Variants in SLC30A5 observed in about 807,000 individuals in gnomAD.
SLC30A5 encodes proton-coupled zinc antiporter SLC30A5.
In SLC30A5, 33 loss-of-function variants were observed where a neutral mutation model predicts 79.6. The ratio of observed to expected loss-of-function variants is 0.41; its 90% CI spans 0.31 to 0.55. The LOEUF (loss-of-function observed/expected upper bound fraction) is 0.55. Ranked by LOEUF, SLC30A5 falls within the 20% of genes least tolerant of loss-of-function variation. The pLI is 0.20. For missense variants in SLC30A5, 788 were observed against 928.1 expected (o/e 0.85, Z 1.96); for synonymous variants, 299 against 319.7 (o/e 0.94, Z 0.69).
intron 1 of SLC30A5, 66 bp downstream of exon 1, chr5:69,094,404 C>T: frequency 8.1e-7 from 1 of 1,238,484 alleles, no homozygotes; most frequent in Non-Finnish European, 1.0e-6. Flanking sequence ...TCCGGCCTCC[C>T]TCCGGTCTCC....
Position 69,106,267 on chromosome 5 carries a change from T to C in SLC30A5, c.359+1551T>C, listed in dbSNP as rs116368379. On this transcript the variant is annotated intron_variant, in intron 4 of 15. Transcript: ENST00000396591. ...GAGGGCTGAGAAAGCTAGCTGAATT[T>C]CCTAGCTTGGGAAGAGGTTTTTCAC... is the stretch of plus-strand genomic sequence containing the variant. Among the ~76,000 whole-genome samples, 854 of 152,326 alleles carry C rather than the reference T, an allele frequency of 5.6e-3. 12 individuals carry two copies. The highest frequency in any genetic ancestry group is 0.019 in the African/African-American group (800 of 41,566).
Position 69,116,256 on chromosome 5 carries a change from T to G in SLC30A5, c.1072+42T>G, listed in dbSNP as rs1580179013. ...TTTTTTTATTTTAACAAATTTCTAT[T>G]TATGGATTTTGATGGTCACATCATT... On this transcript the variant is annotated intron_variant, in intron 9 of 15. Coordinates refer to ENST00000396591, the MANE Select transcript of SLC30A5 (RefSeq NM_022902.5). The surrounding 1 kb of genome is among the most constrained non-coding windows in gnomAD (Gnocchi z 4.0). 6.5e-7 allele frequency: 1 copy of G among 1,533,002 alleles called. No homozygotes were observed. Among genetic ancestry groups the G allele is most frequent in the Non-Finnish European group, 8.8e-7 (1 of 1,142,006 alleles). 95.0% of individuals were successfully genotyped at this position (1,533,002 alleles called of 1,614,324 possible). A position where few individuals can be genotyped will look rare whatever the true frequency, so the allele number is the denominator to read the frequency against.
chr5:69,109,467 C>G (rs1580173464), intron 5 of SLC30A5, among the ~76,000 whole-genome samples: 2 of 151,908 alleles, frequency 1.3e-5, no homozygotes, highest in East Asian at 3.9e-4. Flanking sequence ...GCATGTAGGT[C>G]TATGAAATTT....
intron 5 of SLC30A5, among the ~76,000 whole-genome samples, chr5:69,110,307 C>T (rs1746198465): frequency 6.6e-6 from 1 of 152,080 alleles, no homozygotes; most frequent in South Asian, 2.1e-4. Flanking sequence ...GTGCATTTTC[C>T]TAGACATAAA....
intron 12 of SLC30A5, among the ~76,000 whole-genome samples, chr5:69,120,499 T>C (rs1317275539): frequency 6.6e-6 from 1 of 152,224 alleles, no homozygotes; most frequent in Non-Finnish European, 1.5e-5. Flanking sequence ...TAAGCGTGAC[T>C]AACCCTTGGT....
intron 2 of SLC30A5, among the ~76,000 whole-genome samples, chr5:69,102,003 T>C (rs891189174): frequency 6.7e-6 from 1 of 149,250 alleles, no homozygotes; most frequent in African/African-American, 2.5e-5. Flanking sequence ...TTTTGGTAAG[T>C]TGGGAAAGAG....
rs1303177584 is a variant in SLC30A5 at position 69,112,640 on chromosome 5, A to G, written c.448-500A>G. Among the ~76,000 whole-genome samples the G allele has an allele frequency of 2.0e-5, 3 of 152,138 alleles. No homozygotes were observed. The South Asian group carries it at 6.2e-4, about 32-fold the overall frequency. ...AAAAAAAATTTTCCCTGGAATGAGA[A>G]CATAAATTTTATCAGCTTTTTAAGT... On this transcript the variant is annotated intron_variant, in intron 5 of 15. Coordinates refer to ENST00000396591, the MANE Select transcript of SLC30A5 (RefSeq NM_022902.5).
At chr5:69,124,189 T>A (rs1746613278) in intron 14 of SLC30A5, among the ~76,000 whole-genome samples, 1 of 143,440 alleles carries the variant, frequency 7.0e-6, no homozygotes, top group African/African-American at 2.6e-5. Context: ...AAAAAAATAA[T>A]AAGTTCCCAT....
chr5:69,106,860 T>C (rs1746094236), intron 4 of SLC30A5, among the ~76,000 whole-genome samples: 1 of 151,966 alleles, frequency 6.6e-6, no homozygotes, highest in South Asian at 2.1e-4. Flanking sequence ...CTGTTTTTAA[T>C]TTTTTTTCAA....
At chr5:69,098,606 T>A (rs1745814344) in intron 1 of SLC30A5, among the ~76,000 whole-genome samples, 3 of 152,222 alleles carry the variant, frequency 2.0e-5, no homozygotes, top group African/African-American at 7.2e-5. Context: ...CAAGTTCAAT[T>A]CATTTAATAA....
At chr5:69,111,240 C>A (rs1746222803) in intron 5 of SLC30A5, among the ~76,000 whole-genome samples, 1 of 151,952 alleles carries the variant, frequency 6.6e-6, no homozygotes, top group Non-Finnish European at 1.5e-5. Context: ...GATCTGTCCG[C>A]CTTGGCCTCC....
At chr5:69,128,417 A>G (rs1006800986) in intron 15 of SLC30A5, among the ~76,000 whole-genome samples, 4 of 151,456 alleles carry the variant, frequency 2.6e-5, no homozygotes, top group Non-Finnish European at 5.9e-5. Flanking sequence ...ATGCCCGCCT[A>G]TTTTTGTTTG....
Position 69,116,537 on chromosome 5 carries a change from T to G in SLC30A5, c.1216T>G (p.Ser406Ala), listed in dbSNP as rs1447497126. 3 of 1,611,122 alleles carry G rather than the reference T, an allele frequency of 1.9e-6. No homozygotes were observed. The Admixed American group carries it at 5.1e-5, about 27-fold the overall frequency. The change falls in exon 10 of 16, where the codon TCA (serine) becomes GCA (alanine). Residue 406 changes from serine (S) to alanine (A), a missense_variant. Coordinates refer to ENST00000396591, the MANE Select transcript of SLC30A5 (RefSeq NM_022902.5). The surrounding 1 kb of genome is among the most constrained non-coding windows in gnomAD (Gnocchi z 4.0). Reference sequence around the variant, plus strand: ...ATCGATCCCTAGGTTTATTAAGGAATCACTAAAACAAATTCTTGAGGAGAG... The same window carrying G: ...ATCGATCCCTAGGTTTATTAAGGAAGCACTAAAACAAATTCTTGAGGAGAG... ...SQSIPRFIKE[S>A]LKQILEESDS...
At chr5:69,112,526 A>C (rs911166460) in intron 5 of SLC30A5, among the ~76,000 whole-genome samples, 18 of 151,788 alleles carry the variant, frequency 1.2e-4, no homozygotes, top group Admixed American at 1.1e-3. Context: ...CAAGAGGATC[A>C]CTTGAGCCCA....
intron 12 of SLC30A5, among the ~76,000 whole-genome samples, 173 bp downstream of exon 12, chr5:69,118,801 CTTTTT>C (rs35781175): frequency 1.0e-5 from 1 of 97,316 alleles, no homozygotes. Flanking sequence ...TAGAAATTCT[CTTTTT>C]TTTTTTTTTT....
In SLC30A5 at chr5:69,114,511, T is replaced by A; in HGVS notation, c.612+15T>A. ...CAGATCACAAGGTATGATTTCTTTG[T>A]TCCTAACAGGATCAAAAGATTCTGA... On this transcript the variant is annotated intron_variant, in intron 7 of 15. Transcript: ENST00000396591. 2.0e-6 allele frequency: 3 copies of A among 1,472,282 alleles called. No individual in the cohort carries two copies. Among genetic ancestry groups the A allele is most frequent in the Non-Finnish European group, 2.8e-6 (3 of 1,053,978 alleles). 91.2% of individuals were successfully genotyped at this position (1,472,282 alleles called of 1,614,324 possible).
At chr5:69,120,503 C>T (rs895439621) in intron 12 of SLC30A5, among the ~76,000 whole-genome samples, 1 of 151,916 alleles carries the variant, frequency 6.6e-6, no homozygotes, top group East Asian at 1.9e-4. Flanking sequence ...CGTGACTAAC[C>T]CTTGGTGGTA....
rs1329163051 is a variant in SLC30A5 at position 69,116,816 on chromosome 5, A to C, written c.1281+214A>C. The stretch of plus-strand genomic sequence containing the variant: ...CCACCGTGCCCAGCCACTTAAGCAA[A>C]CAATTTGTGAGGCATTTTAGAAGCA... On this transcript the variant is annotated intron_variant, in intron 10 of 15. Transcript: ENST00000396591. The surrounding 1 kb of genome is among the most constrained non-coding windows in gnomAD (Gnocchi z 4.0). Among the ~76,000 whole-genome samples, 2 of 152,186 alleles carry C rather than the reference A, an allele frequency of 1.3e-5. No individual in the cohort carries two copies. Among genetic ancestry groups the C allele is most frequent in the Non-Finnish European group, 2.9e-5 (2 of 68,030 alleles).
In SLC30A5 at chr5:69,094,015, TC is replaced by T. The variant is rs1050752200; in HGVS notation, c.-238del. 6 of 385,096 alleles carry T rather than the reference TC, an allele frequency of 1.6e-5. No homozygotes were observed. Among genetic ancestry groups the T allele is most frequent in the African/African-American group, 1.0e-4 (5 of 48,096 alleles). The allele number at this position is 385,096 out of a possible 1,614,324, so 23.9% of individuals were successfully genotyped here. A position where few individuals can be genotyped will look rare whatever the true frequency, so the allele number is the denominator to read the frequency against. ...GGCCTGATGACGTGGCTTGGCAACG[TC>T]CCTACCGCCGCTGCTTCCCGGGAAC... On this transcript the variant is annotated 5_prime_UTR_variant, in exon 1 of 16. Transcript: ENST00000396591.
Sources: gnomAD v4.1 joint callset for allele counts (sites outside exome capture counted in the v4.1 genomes callset) on GRCh38, gnomAD v4.1.1 for gene constraint, Gnocchi (gnomAD v3.1) non-coding constraint, MANE v1.5 for transcripts, NCBI Gene and HGNC (gene_info 2026-07-23, HGNC 2026-07-21) for gene names.